The following SELENOT variants were observed in gnomAD, a reference collection of about 807,000 sequenced individuals.
SELENOT encodes the protein selenoprotein T, also known as thioredoxin reductase-like selenoprotein T.
In SELENOT, 9 loss-of-function variants were observed where a neutral mutation model predicts 24.3. The ratio of observed to expected loss-of-function variants is 0.37; its 90% CI spans 0.22 to 0.65. SELENOT has a LOEUF of 0.65. Among genes scored for constraint, SELENOT ranks in the 30% least tolerant of loss-of-function variants. The probability of loss-of-function intolerance (pLI) is 0.60; values close to 1 mark genes in which losing one functional copy is unlikely to be tolerated. For missense variants in SELENOT, 166 were observed against 247.6 expected (o/e 0.67, Z 2.21); for synonymous variants, 81 against 86.0 (o/e 0.94, Z 0.32).
chr3:150,613,469 A>C (rs1726142941), intron 1 of SELENOT, among the ~76,000 whole-genome samples: 1 of 152,094 alleles, frequency 6.6e-6, no homozygotes, highest in Non-Finnish European at 1.5e-5. Flanking sequence ...GTCTTAAGGT[A>C]GTTTTCTGAA....
chr3:150,611,234 C>A, intron 1 of SELENOT: 2 of 1,080,304 alleles, frequency 1.9e-6, no homozygotes, highest in East Asian at 2.4e-5. Flanking sequence ...TGTTAACATC[C>A]AAGTTTTTAG....
intron 1 of SELENOT, chr3:150,618,705 G>A (rs966135204): frequency 2.6e-5 from 4 of 152,056 alleles, no homozygotes; most frequent in African/African-American, 7.4e-5. Context: ...CTTTTTTTTT[G>A]TAGAGATGGA....
chr3:150,615,552 A>G (rs1015581887), intron 1 of SELENOT, among the ~76,000 whole-genome samples: 3 of 152,196 alleles, frequency 2.0e-5, no homozygotes, highest in African/African-American at 7.2e-5. Flanking sequence ...CTATACACCA[A>G]CAACAGACAA....
rs1244089416 is a variant in SELENOT, at chr3:150,629,677, C to G, written c.*2048C>G. The stretch of plus-strand genomic sequence containing the variant: ...AGAATAGCTTTAAGTGGCTTAGACA[C>G]TGATAAAATTCAGCTGTGTTGTTGA... On this transcript the variant is annotated 3_prime_UTR_variant, in exon 6 of 6. Transcript: ENST00000471696. The G allele has an allele frequency of 6.6e-6, 1 of 152,542 alleles. No homozygotes were observed. The highest frequency in any genetic ancestry group is 1.5e-5 in the Non-Finnish European group (1 of 68,036). 9.4% of individuals were successfully genotyped at this position (152,542 alleles called of 1,614,324 possible).
At chr3:150,622,330 A>G in intron 1 of SELENOT, 55 bp from the exon 2 acceptor site, 1 of 868,566 alleles carries the variant, frequency 1.2e-6, no homozygotes, top group South Asian at 3.5e-5. Context: ...ACTAACTACA[A>G]AATAAATCTA....
Position 150,630,312 on chromosome 3 carries a change from C to T in SELENOT, c.*2683C>T, listed in dbSNP as rs1726530807. ...CAAAAATAGCTTACAGGATTTTAAACATGGTGTGGTATTCTAAAGCCTTTT... is the reference window on the plus strand; with the variant it reads ...CAAAAATAGCTTACAGGATTTTAAATATGGTGTGGTATTCTAAAGCCTTTT... On this transcript the variant is annotated 3_prime_UTR_variant, in exon 6 of 6. Coordinates refer to ENST00000471696, the MANE Select transcript of SELENOT (RefSeq NM_016275.5). 6.6e-6 allele frequency: 1 copy of T among 152,060 alleles called. No homozygotes were observed. Among genetic ancestry groups the T allele is most frequent in the Non-Finnish European group, 1.5e-5 (1 of 68,002 alleles). The allele number at this position is 152,060 out of a possible 1,614,324, so 9.4% of individuals were successfully genotyped here.
chr3:150,611,633 C>G (rs997883577), intron 1 of SELENOT: 1 of 1,568,874 alleles, frequency 6.4e-7, no homozygotes, highest in Non-Finnish European at 8.8e-7. Flanking sequence ...TCTTCACCTT[C>G]TGGGATATGC....
intron 1 of SELENOT, among the ~76,000 whole-genome samples, chr3:150,621,911 T>C (rs1215511099): frequency 6.6e-6 from 1 of 152,104 alleles, no homozygotes; most frequent in East Asian, 1.9e-4. Flanking sequence ...TTTGTTTGTT[T>C]GTTTTTTGTT....
At chr3:150,627,269 T>G in intron 5 of SELENOT, 106 bp downstream of exon 5, 1 of 867,672 alleles carries the variant, frequency 1.2e-6, no homozygotes, top group Non-Finnish European at 1.7e-6. Context: ...CAATTTAAGA[T>G]TAAACAGAGG....
chr3:150,628,601 CCTGA>C lies in SELENOT; in HGVS notation c.*975_*978del, dbSNP rs1394033457. 6.6e-6 allele frequency: 1 copy of C among 152,046 alleles called. No homozygotes were observed. The highest frequency in any genetic ancestry group is 6.6e-5 in the Admixed American group (1 of 15,262). The allele number at this position is 152,046 out of a possible 1,614,324, so 9.4% of individuals were successfully genotyped here. On this transcript the variant is annotated 3_prime_UTR_variant, in exon 6 of 6. Transcript: ENST00000471696. ...ATTGATACTAGGTGAACAGAAATTA[CCTGA>C]CTAATAATTTGTCTAACATCATATA...
At chr3:150,622,875 T>C (rs1726371381) in intron 2 of SELENOT, among the ~76,000 whole-genome samples, 168 bp from the exon 3 acceptor site, 2 of 152,206 alleles carry the variant, frequency 1.3e-5, no homozygotes, top group African/African-American at 4.8e-5. Context: ...ATTTTAAATA[T>C]ATTAAACATT....
At chr3:150,622,338 C>A in intron 1 of SELENOT, 47 bp from the exon 2 acceptor site, 2 of 912,438 alleles carry the variant, frequency 2.2e-6, no homozygotes, top group Non-Finnish European at 3.0e-6. Context: ...CAAAATAAAT[C>A]TAGATGTATG....
chr3:150,614,280 C>T (rs917358107), intron 1 of SELENOT, among the ~76,000 whole-genome samples: 1 of 152,156 alleles, frequency 6.6e-6, no homozygotes, highest in Non-Finnish European at 1.5e-5. Flanking sequence ...TCAAGTGAGG[C>T]ACATCCTTCC....
chr3:150,616,072 C>T (rs1264811291), intron 1 of SELENOT, among the ~76,000 whole-genome samples: 1 of 151,284 alleles, frequency 6.6e-6, no homozygotes, highest in African/African-American at 2.4e-5. Context: ...TGATCTTTGA[C>T]AAACCTGAGA....
At chr3:150,609,027 T>C (rs1726028416) in intron 1 of SELENOT, among the ~76,000 whole-genome samples, 1 of 152,224 alleles carries the variant, frequency 6.6e-6, no homozygotes, top group Admixed American at 6.5e-5. Context: ...CTTCTAGTAT[T>C]ATGTTGAATA....
intron 1 of SELENOT, chr3:150,614,453 T>C (rs1290327235): frequency 6.5e-6 from 1 of 153,386 alleles, no homozygotes; most frequent in East Asian, 1.9e-4. Context: ...GGCAATAGTG[T>C]AGAATTTAGA....
chr3:150,619,220 CA>C (rs761458301), intron 1 of SELENOT, among the ~76,000 whole-genome samples: 310 of 80,482 alleles, frequency 3.9e-3, no homozygotes, highest in Middle Eastern at 0.018. Flanking sequence ...GACTCCGTCT[CA>C]AAAAAAAAAA....
rs11548663 is a variant in SELENOT at position 150,603,438 on chromosome 3, G to T, written c.76G>T (p.Val26Leu). ...CGAGGCCTCGGCCAATCTGGGCGGC[G>T]TGCCCAGCAAGAGATTAAAGATGCA... ...RSEASANLGG[V>L]PSKRLKMQYA... Residue 26 changes from valine (V) to leucine (L), a missense_variant, in exon 1 of 6, where the codon GTG (valine) becomes TTG (leucine). Physicochemically the swap from Val to Leu is conservative, Grantham distance 32. Around this residue, in one of 5 missense-constraint regions of SELENOT, gnomAD observed 46 missense variants for 49.3 expected, o/e 0.93. Coordinates refer to ENST00000471696, the MANE Select transcript of SELENOT (RefSeq NM_016275.5). The T allele has an allele frequency of 4.3e-6, 7 of 1,613,066 alleles. No individual in the cohort carries two copies. The African/African-American group carries it at 8.0e-5, about 18-fold the overall frequency.
chr3:150,626,954 G>T (rs1726457910), intron 4 of SELENOT, 56 bp from the exon 5 acceptor site: 1 of 1,544,396 alleles, frequency 6.5e-7, no homozygotes, highest in African/African-American at 1.4e-5. Context: ...TGGGATGAAT[G>T]CATATTATAA....
Sources: allele counts gnomAD v4.1 joint callset (sites outside exome capture counted in the v4.1 genomes callset), GRCh38; gene constraint gnomAD v4.1.1; regional missense constraint gnomAD v4.1.1; transcripts MANE v1.5; gene names NCBI Gene and HGNC (gene_info 2026-07-23, HGNC 2026-07-21).